The following SPIB variants were observed in gnomAD, a reference collection of about 807,000 sequenced individuals.
The protein encoded by SPIB is Spi-B transcription factor, also known as transcription factor Spi-B.
A neutral mutation model predicts 31.9 loss-of-function variants in SPIB; 7 were observed. That is an observed-to-expected ratio of 0.22 (90% CI 0.12 to 0.41). The LOEUF (loss-of-function observed/expected upper bound fraction) is 0.41. Ranked by LOEUF, SPIB falls within the 10% of genes least tolerant of loss-of-function variation. SPIB has a pLI of 1.00. For missense variants in SPIB, 327 were observed against 360.2 expected, an observed-to-expected ratio of 0.91 and a Z score of 0.75; for synonymous variants, 176 against 158.9, an observed-to-expected ratio of 1.11 and a Z score of -0.81.
In SPIB at chr19:50,423,737, G is replaced by A; in HGVS notation, c.472G>A (p.Gly158Arg). ...TGAGGCCCTCGTGGCTGGCCCCGAG[G>A]GGAAGGGATCCGAGGCAGGTATGCG... ...SDEALVAGPE[G>R]KGSEAGTRKK... Residue 158 changes from glycine to arginine, a missense_variant, in exon 5 of 6, where the codon GGG (glycine) becomes AGG (arginine). Physicochemically the swap from Gly to Arg is moderately radical, Grantham distance 125. Coordinates refer to ENST00000595883, the MANE Select transcript of SPIB (RefSeq NM_003121.5). The A allele has an allele frequency of 4.3e-6, 7 of 1,610,546 alleles. No homozygotes were observed. The highest frequency in any genetic ancestry group is 5.1e-6 in the Non-Finnish European group (6 of 1,178,570).
At position 50,422,830 on chromosome 19, in the gene SPIB, G is replaced by A. The variant is rs1230073402; in HGVS notation, c.132G>A (p.Leu44=). The A allele has an allele frequency of 6.4e-7, 1 of 1,565,496 alleles. No individual in the cohort carries two copies. Among genetic ancestry groups the A allele is most frequent in the Admixed American group, 2.0e-5 (1 of 50,650 alleles). ...YPDSEGAPDS[L]WDWTVAPPVP... is the part of the protein sequence containing the mutation. ...TCAGTGCCCTTCCCCCAGACTCCCT[G>A]TGGGACTGGACTGTGGCCCCACCTG... The change falls in exon 4 of 6, where the codon CTG becomes CTA. Residue 44 remains leucine, a synonymous_variant. Coordinates refer to ENST00000595883, the MANE Select transcript of SPIB (RefSeq NM_003121.5).
intron 4 of SPIB, 66 bp downstream of exon 4, chr19:50,423,103 C>A: frequency 1.2e-6 from 1 of 803,322 alleles, no homozygotes; most frequent in South Asian, 2.1e-5. Context: ...CCTGTAATCC[C>A]AGCTGCTTGA....
chr19:50,428,159 C>T lies in SPIB; in HGVS notation c.612C>T (p.His204=). 2 of 1,590,304 alleles carry T rather than the reference C, an allele frequency of 1.3e-6. No homozygotes were observed. Among genetic ancestry groups the T allele is most frequent in the South Asian group, 1.1e-5 (1 of 87,468 alleles). Residue 204 remains histidine (H), a synonymous_variant, in exon 6 of 6, where the codon CAC becomes CAT. Coordinates refer to ENST00000595883, the MANE Select transcript of SPIB (RefSeq NM_003121.5). The surrounding 1 kb of genome is among the most constrained non-coding windows in gnomAD (Gnocchi z 6.5). The stretch of plus-strand genomic sequence containing the variant: ...GCGTCTTCCAGTTCTCCTCCAAGCA[C>T]AAGGAACTCCTGGCGCGCCGCTGGG... ...GAGVFQFSSK[H]KELLARRWGQ...
At position 50,419,940 on chromosome 19, in the gene SPIB, C is replaced by T. The variant is rs536784207; in HGVS notation, c.24-6C>T. ...TCAGCATGCCCCTGTGTCTCTCCCC[C>T]TCCAGGCTCGACGGGCCACACTTCA... On this transcript the variant is annotated splice_polypyrimidine_tract_variant and splice_region_variant and intron_variant, in intron 1 of 5. Transcript: ENST00000595883. 43 of 1,536,842 alleles carry T rather than the reference C, an allele frequency of 2.8e-5. No homozygotes were observed. The South Asian group carries it at 3.4e-4, about 12-fold the overall frequency.
intron 4 of SPIB, chr19:50,423,291 G>T: frequency 2.0e-6 from 1 of 496,528 alleles, no homozygotes; most frequent in Non-Finnish European, 3.5e-6. Context: ...ACTGCATTGA[G>T]ACTGCACATA....
At position 50,428,915 on chromosome 19, in the gene SPIB, C is replaced by G. The variant is rs2039604777; in HGVS notation, c.*579C>G. ...CATCTGTCCCCTCATTTTTGAGATC[C>G]CCCAATTCTCTGGAACTATTCTGCT... is the stretch of plus-strand genomic sequence containing the variant. On this transcript the variant is annotated 3_prime_UTR_variant, in exon 6 of 6. Coordinates refer to ENST00000595883, the MANE Select transcript of SPIB (RefSeq NM_003121.5). This position sits in a 1 kb window ranked among gnomAD's most constrained non-coding sequence, Gnocchi z 6.5. The G allele has an allele frequency of 6.6e-6, 1 of 152,602 alleles. No homozygotes were observed. 9.5% of individuals were successfully genotyped at this position (152,602 alleles called of 1,614,324 possible).
chr19:50,428,428 A>G lies in SPIB; in HGVS notation c.*92A>G. ...AAGAAAAAGGGCGTCCCCACACTCT[A>G]GGTGATAGGACTTACGCATCCCCAC... On this transcript the variant is annotated 3_prime_UTR_variant, in exon 6 of 6. Coordinates refer to ENST00000595883, the MANE Select transcript of SPIB (RefSeq NM_003121.5). The surrounding 1 kb of genome is among the most constrained non-coding windows in gnomAD (Gnocchi z 6.5). 7.4e-7 allele frequency: 1 copy of G among 1,351,364 alleles called. No individual in the cohort carries two copies. The highest frequency in any genetic ancestry group is 9.8e-7 in the Non-Finnish European group (1 of 1,015,736). The allele number at this position is 1,351,364 out of a possible 1,614,324, so 83.7% of individuals were successfully genotyped here.
intron 5 of SPIB, 146 bp from the exon 6 acceptor site, chr19:50,427,892 C>G (rs2039588079): frequency 1.4e-6 from 1 of 691,840 alleles, no homozygotes; most frequent in Admixed American, 3.9e-5. Context: ...GGGCGCAGAG[C>G]CAGGTGTATG....
intron 1 of SPIB, among the ~76,000 whole-genome samples, chr19:50,419,621 C>A (rs1389384556): frequency 6.6e-6 from 1 of 152,186 alleles, no homozygotes; most frequent in African/African-American, 2.4e-5. Context: ...AACTGACTCG[C>A]CACCAAGGCC....
At chr19:50,427,925 A>G in intron 5 of SPIB, 113 bp from the exon 6 acceptor site, 4 of 1,026,012 alleles carry the variant, frequency 3.9e-6, no homozygotes, top group Non-Finnish European at 5.0e-6. Flanking sequence ...CCCTCACCCC[A>G]CTTTTCAGAT....
At chr19:50,421,632 C>T (rs1410441908) in intron 2 of SPIB, among the ~76,000 whole-genome samples, 6 of 147,574 alleles carry the variant, frequency 4.1e-5, no homozygotes, top group Middle Eastern at 4.0e-3. Context: ...ATTTATTTTT[C>T]GAGACAGAGT....
intron 3 of SPIB, 133 bp from the exon 4 acceptor site, chr19:50,422,690 C>T: frequency 9.4e-7 from 1 of 1,064,932 alleles, no homozygotes; most frequent in Non-Finnish European, 1.4e-6. Flanking sequence ...CTCTCCTACC[C>T]ATCCGCTCCT....
In SPIB at chr19:50,429,382, G is replaced by C. The variant is rs1375875105; in HGVS notation, c.*1046G>C. ...TCTCTTTAGTGCACTGTAGCACTTG[G>C]TGGTGGAGGTGTGAGGGATCCACAT... On this transcript the variant is annotated 3_prime_UTR_variant, in exon 6 of 6. Coordinates refer to ENST00000595883, the MANE Select transcript of SPIB (RefSeq NM_003121.5). 6.6e-6 allele frequency: 1 copy of C among 152,388 alleles called. No individual in the cohort carries two copies. Among genetic ancestry groups the C allele is most frequent in the African/African-American group, 2.4e-5 (1 of 41,438 alleles). 9.4% of individuals were successfully genotyped at this position (152,388 alleles called of 1,614,324 possible). A position where few individuals can be genotyped will look rare whatever the true frequency, so the allele number is the denominator to read the frequency against.
At chr19:50,420,962 C>T (rs1216762468) in intron 2 of SPIB, among the ~76,000 whole-genome samples, 22 of 152,224 alleles carry the variant, frequency 1.4e-4, no homozygotes, top group Admixed American at 1.2e-3. Context: ...GTGAGTCATA[C>T]AGCATGTCCC....
At chr19:50,421,558 T>C (rs1349510458) in intron 2 of SPIB, among the ~76,000 whole-genome samples, 1 of 150,864 alleles carries the variant, frequency 6.6e-6, no homozygotes, top group Non-Finnish European at 1.5e-5. Context: ...CCTGACCTCA[T>C]GATCTGCCTG....
In SPIB at chr19:50,423,667, A is replaced by G. The variant is rs761304894; in HGVS notation, c.402A>G (p.Leu134=). The change falls in exon 5 of 6, where the codon TTA becomes TTG. Residue 134 remains leucine, a synonymous_variant. Coordinates refer to ENST00000595883, the MANE Select transcript of SPIB (RefSeq NM_003121.5). ...PSPVLSEEED[L]PLDSPALEVS... ...CTGTGCTATCAGAGGAGGAAGACTT[A>G]CCGTTGGACAGCCCTGCCCTGGAGG... The G allele has an allele frequency of 2.5e-6, 4 of 1,613,836 alleles. No homozygotes were observed. The highest frequency in any genetic ancestry group is 3.4e-6 in the Non-Finnish European group (4 of 1,179,948).
intron 5 of SPIB, among the ~76,000 whole-genome samples, chr19:50,427,178 C>T (rs140646795): frequency 6.6e-5 from 10 of 151,918 alleles, no homozygotes; most frequent in Non-Finnish European, 1.3e-4. Flanking sequence ...CAAGGTCACA[C>T]TGCTGTAAAA....
chr19:50,421,702 C>T (rs1419098571), intron 2 of SPIB, among the ~76,000 whole-genome samples: 2 of 152,132 alleles, frequency 1.3e-5, no homozygotes, highest in African/African-American at 2.4e-5. Context: ...GCAACCTCCA[C>T]CTCCCAGGTT....
chr19:50,420,319 C>T (rs1216721429), intron 2 of SPIB, among the ~76,000 whole-genome samples: 2 of 152,168 alleles, frequency 1.3e-5, no homozygotes, highest in East Asian at 3.9e-4. Flanking sequence ...AACCCACAAT[C>T]CAGTCTGAGT....
Sources: gnomAD v4.1 joint callset for allele counts (sites outside exome capture counted in the v4.1 genomes callset) on GRCh38, gnomAD v4.1.1 for gene constraint, Gnocchi (gnomAD v3.1) non-coding constraint, MANE v1.5 for transcripts, NCBI Gene and HGNC (gene_info 2026-07-23, HGNC 2026-07-21) for gene names.